Variants in NKAIN2 observed in about 807,000 individuals in gnomAD.
NKAIN2 encodes the protein sodium/potassium transporting ATPase interacting 2, also known as sodium/potassium-transporting ATPase subunit beta-1-interacting protein 2.
In NKAIN2, 14 loss-of-function variants were observed where a neutral mutation model predicts 32.6. The observed-to-expected ratio is 0.43, with a 90% confidence interval of 0.28 to 0.67. The LOEUF (loss-of-function observed/expected upper bound fraction) is 0.67. NKAIN2 is among the 30% of genes least tolerant of loss of function. The pLI, the probability that NKAIN2 is intolerant of heterozygous loss-of-function variation, is 0.17. For synonymous variants in NKAIN2, 80 were observed against 87.2 expected, an observed-to-expected ratio of 0.92 and a Z score of 0.46; for missense variants, 198 against 258.3, an observed-to-expected ratio of 0.77 and a Z score of 1.60.
intron 3 of NKAIN2, among the ~76,000 whole-genome samples, chr6:124,606,793 A>G (rs2114990599): frequency 6.6e-6 from 1 of 152,266 alleles, no homozygotes; most frequent in African/African-American, 2.4e-5. Context: ...TGAACTTGTC[A>G]TCTGGATCAC....
intron 3 of NKAIN2, among the ~76,000 whole-genome samples, chr6:124,459,383 A>G (rs1206261801): frequency 6.6e-6 from 1 of 151,904 alleles, no homozygotes; most frequent in African/African-American, 2.4e-5. Flanking sequence ...ATGTGACATG[A>G]TATCAAAAGA....
chr6:124,627,206 GT>G (rs1783387558), intron 3 of NKAIN2, among the ~76,000 whole-genome samples: 1 of 152,024 alleles, frequency 6.6e-6, no homozygotes, highest in Non-Finnish European at 1.5e-5. Context: ...GGAGGCGGAG[GT>G]TGCAGTGAAC....
At chr6:124,814,510 A>C (rs1223684456) in intron 5 of NKAIN2, among the ~76,000 whole-genome samples, 1 of 152,124 alleles carries the variant, frequency 6.6e-6, no homozygotes, top group Non-Finnish European at 1.5e-5. Context: ...CATGGTCCGA[A>C]TAATCAGAAT....
At position 124,345,623 on chromosome 6, in the gene NKAIN2, G is replaced by A. The variant is rs1418591481; in HGVS notation, c.193-9644G>A. Reference sequence around the variant, plus strand: ...CTAGATTTTCTAGTTTATTTGCGTAGAGGTGTTTGTAGTATTCTCTGATGG... The same window carrying A: ...CTAGATTTTCTAGTTTATTTGCGTAAAGGTGTTTGTAGTATTCTCTGATGG... On this transcript the variant is annotated intron_variant, in intron 2 of 6. Coordinates refer to ENST00000368417, the MANE Select transcript of NKAIN2 (RefSeq NM_001040214.3). Among the ~76,000 whole-genome samples, 4 of 151,988 alleles carry A rather than the reference G, an allele frequency of 2.6e-5. No homozygotes were observed. The East Asian group carries it at 5.8e-4, about 22-fold the overall frequency.
chr6:123,925,327 A>G (rs1195171556), intron 1 of NKAIN2, among the ~76,000 whole-genome samples: 1 of 152,200 alleles, frequency 6.6e-6, no homozygotes, highest in African/African-American at 2.4e-5. Flanking sequence ...AGCTCCAAAT[A>G]AAAAGGCACT....
At chr6:124,228,398 A>G (rs1792235114) in intron 1 of NKAIN2, among the ~76,000 whole-genome samples, 2 of 152,184 alleles carry the variant, frequency 1.3e-5, no homozygotes, top group South Asian at 4.1e-4. Context: ...CCCTGACATC[A>G]GACTTTCAGC....
intron 1 of NKAIN2, among the ~76,000 whole-genome samples, chr6:124,050,150 G>A (rs1257360651): frequency 2.1e-4 from 32 of 151,500 alleles, no homozygotes; most frequent in Admixed American, 2.1e-3. Context: ...CAATATAGTG[G>A]CAAATAATGA....
intron 1 of NKAIN2, among the ~76,000 whole-genome samples, chr6:124,160,631 A>C (rs1038620849): frequency 1.3e-5 from 2 of 152,186 alleles, no homozygotes; most frequent in African/African-American, 4.8e-5. Context: ...TTGGTTTAAC[A>C]GAAAATGATA....
intron 4 of NKAIN2, among the ~76,000 whole-genome samples, chr6:124,760,469 TA>T (rs531480252): frequency 2.0e-5 from 3 of 147,548 alleles, no homozygotes; most frequent in South Asian, 2.2e-4. Context: ...GCTACTCTAC[TA>T]AAAAAAAATA....
chr6:124,613,311 C>T (rs977076434), intron 3 of NKAIN2, among the ~76,000 whole-genome samples: 2 of 152,144 alleles, frequency 1.3e-5, no homozygotes, highest in Non-Finnish European at 2.9e-5. Context: ...ACTTCCTGCT[C>T]ACCAAGCTAC....
chr6:124,704,327 T>C (rs939391222), intron 4 of NKAIN2, among the ~76,000 whole-genome samples: 13 of 152,060 alleles, frequency 8.5e-5, no homozygotes, highest in East Asian at 3.9e-4. Flanking sequence ...ATACAGAGCA[T>C]TGGTCACAAA....
At chr6:123,832,493 A>C (rs1040219934) in intron 1 of NKAIN2, among the ~76,000 whole-genome samples, 7 of 152,192 alleles carry the variant, frequency 4.6e-5, no homozygotes, top group Non-Finnish European at 1.0e-4. Context: ...AATGCCAAGA[A>C]GCGCAATTTT....
At chr6:124,351,473 C>A (rs1299132233) in intron 2 of NKAIN2, among the ~76,000 whole-genome samples, 1 of 136,428 alleles carries the variant, frequency 7.3e-6, no homozygotes, top group South Asian at 2.3e-4. Flanking sequence ...GCCTTCCAGC[C>A]GGGGTGGCAG....
At chr6:124,435,805 C>A (rs1775416353) in intron 3 of NKAIN2, among the ~76,000 whole-genome samples, 1 of 152,066 alleles carries the variant, frequency 6.6e-6, no homozygotes, top group Non-Finnish European at 1.5e-5. Context: ...CTTACCTAAT[C>A]CTTTATATTA....
At chr6:124,272,361 C>A (rs1308765565) in intron 1 of NKAIN2, among the ~76,000 whole-genome samples, 1 of 152,168 alleles carries the variant, frequency 6.6e-6, no homozygotes, top group African/African-American at 2.4e-5. Context: ...CTAAAAGGGA[C>A]CAACGTACAG....
chr6:124,530,612 G>T (rs1779487161), intron 3 of NKAIN2, among the ~76,000 whole-genome samples: 1 of 152,148 alleles, frequency 6.6e-6, no homozygotes, highest in African/African-American at 2.4e-5. Flanking sequence ...ATGGGAAATT[G>T]CTTATTTGGT....
intron 5 of NKAIN2, among the ~76,000 whole-genome samples, chr6:124,815,214 C>CTACATATATACA (rs1781089374): frequency 1.5e-5 from 1 of 68,792 alleles, no homozygotes; most frequent in Non-Finnish European, 3.2e-5. Context: ...CAGTCTTAAA[C>CTACATATATACA]TATATATATA....
intron 3 of NKAIN2, among the ~76,000 whole-genome samples, chr6:124,619,225 T>C (rs185886542): frequency 2.6e-5 from 4 of 152,288 alleles, no homozygotes; most frequent in Admixed American, 1.3e-4. Flanking sequence ...TTCCTTAGCT[T>C]TGCAAAGATG....
At chr6:123,896,411 T>A (rs112550232) in intron 1 of NKAIN2, among the ~76,000 whole-genome samples, 2 of 151,552 alleles carry the variant, frequency 1.3e-5, no homozygotes, top group Admixed American at 6.6e-5. Context: ...TAATTTTTTT[T>A]AAAAGACATA....
Sources: gnomAD v4.1 joint callset for allele counts (sites outside exome capture counted in the v4.1 genomes callset) on GRCh38, gnomAD v4.1.1 for gene constraint, MANE v1.5 for transcripts, NCBI Gene and HGNC (gene_info 2026-07-23, HGNC 2026-07-21) for gene names.